MID1: variants seen among roughly 807,000 people sequenced by gnomAD.
MID1 encodes the protein midline 1.
A neutral mutation model predicts 40.4 loss-of-function variants in MID1; 7 were observed. That is an observed-to-expected ratio of 0.17 (90% CI 0.10 to 0.33). The LOEUF is 0.33. MID1 is among the 10% of genes least tolerant of loss of function. The probability of loss-of-function intolerance (pLI) is 1.00; values close to 1 mark genes in which losing one functional copy is unlikely to be tolerated. For missense variants in MID1, 367 were observed against 558.5 expected, an observed-to-expected ratio of 0.66 and a Z score of 3.46; for synonymous variants, 229 against 221.2, an observed-to-expected ratio of 1.04 and a Z score of -0.31.
chrX:10,605,038 G>T (rs1055059580), intron 1 of MID1, among the ~76,000 whole-genome samples: 9 of 112,362 alleles, frequency 8.0e-5, no homozygotes, highest in African/African-American at 2.9e-4. Context: ...TATAACCTCA[G>T]TGCATCAACT....
intron 8 of MID1, 131 bp from the exon 9 acceptor site, chrX:10,455,208 T>C: frequency 7.6e-6 from 4 of 528,038 alleles, no homozygotes; most frequent in Non-Finnish European, 1.3e-5. Flanking sequence ...TCATGCCTCC[T>C]ATCACAAAGT....
At chrX:10,530,024 A>T (rs1265600164) in intron 2 of MID1, among the ~76,000 whole-genome samples, 1 of 112,001 alleles carries the variant, frequency 8.9e-6, no homozygotes, top group East Asian at 2.8e-4. Flanking sequence ...TCTCATTGGT[A>T]CCGTTGAGTC....
chrX:10,810,696 CTGTGTGTGTGTG>C (rs370482398), intron 1 of MID1, among the ~76,000 whole-genome samples: 1 of 101,101 alleles, frequency 9.9e-6, no homozygotes, highest in African/African-American at 3.6e-5. Context: ...GTTGTTTTCT[CTGTGTGTGTGTG>C]TGTGTGTGTG....
At chrX:10,730,747 A>AT (rs1215570565) in intron 1 of MID1, among the ~76,000 whole-genome samples, 7 of 107,142 alleles carry the variant, frequency 6.5e-5, no homozygotes, top group Admixed American at 1.0e-4. Context: ...AATTTTTTGT[A>AT]TTTTTTTTAG....
chrX:10,567,937 T>C (rs1201412364), intron 1 of MID1, among the ~76,000 whole-genome samples: 1 of 112,140 alleles, frequency 8.9e-6, no homozygotes. Context: ...AATCTTATTG[T>C]GTCAGAGTCA....
intron 1 of MID1, among the ~76,000 whole-genome samples, chrX:10,639,447 A>G (rs1226499870): frequency 4.5e-5 from 5 of 111,960 alleles, no homozygotes; most frequent in African/African-American, 1.3e-4. Context: ...AATGAAGCGA[A>G]AAGAGAACTT....
chrX:10,455,442 G>A (rs1928603656), intron 8 of MID1, among the ~76,000 whole-genome samples: 1 of 111,576 alleles, frequency 9.0e-6, no homozygotes, highest in Non-Finnish European at 1.9e-5. Flanking sequence ...TTCAACAACA[G>A]CATGGATAAG....
intron 9 of MID1, among the ~76,000 whole-genome samples, chrX:10,451,722 A>G (rs969171791): frequency 9.0e-6 from 1 of 110,804 alleles, no homozygotes; most frequent in Non-Finnish European, 1.9e-5. Flanking sequence ...AAAACGGGGG[A>G]GTTTCCCTGC....
chrX:10,469,587 T>C (rs762230006), intron 7 of MID1, 110 bp downstream of exon 7: 2 of 1,209,899 alleles, frequency 1.7e-6, no homozygotes, highest in Admixed American at 4.4e-5. Flanking sequence ...AGTCAATAAA[T>C]ATTGTGTGTT....
At chrX:10,526,476 G>A (rs1165677698) in intron 2 of MID1, among the ~76,000 whole-genome samples, 2 of 111,723 alleles carry the variant, frequency 1.8e-5, no homozygotes, top group East Asian at 5.6e-4. Context: ...TTTTTGGTAT[G>A]TTAATACTAG....
chrX:10,467,875 C>CACTT (rs1322780363), intron 7 of MID1, among the ~76,000 whole-genome samples: 5 of 112,100 alleles, frequency 4.5e-5, no homozygotes, highest in Non-Finnish European at 7.5e-5. Flanking sequence ...TCCCTTTCCT[C>CACTT]ACTTACCAGC....
intron 1 of MID1, among the ~76,000 whole-genome samples, chrX:10,631,987 C>T (rs1181265391): frequency 8.9e-6 from 1 of 111,773 alleles, no homozygotes; most frequent in African/African-American, 3.3e-5. Context: ...TTTGTCTTTC[C>T]TTTGAATCAT....
chrX:10,481,209 T>C (rs1312381168), intron 5 of MID1, among the ~76,000 whole-genome samples: 2 of 111,761 alleles, frequency 1.8e-5, no homozygotes, highest in Non-Finnish European at 3.8e-5. Flanking sequence ...AATATTTACT[T>C]GATGATCCTT....
chrX:10,712,231 C>T (rs1214468255), intron 1 of MID1, among the ~76,000 whole-genome samples: 2 of 110,831 alleles, frequency 1.8e-5, no homozygotes, highest in African/African-American at 3.3e-5. Context: ...AAAATGATAC[C>T]TGGTCACAAC....
At chrX:10,517,543 T>C (rs1285500658) in intron 3 of MID1, among the ~76,000 whole-genome samples, 1 of 112,667 alleles carries the variant, frequency 8.9e-6, no homozygotes, top group African/African-American at 3.2e-5. Context: ...CACAGGTCTA[T>C]GTGTTCCTTG....
intron 1 of MID1, among the ~76,000 whole-genome samples, chrX:10,763,240 T>C (rs2043694292): frequency 9.1e-6 from 1 of 109,822 alleles, no homozygotes; most frequent in Non-Finnish European, 1.9e-5. Context: ...TGTATACATG[T>C]GCCATGTTAG....
chrX:10,481,087 G>A (rs928687345), intron 5 of MID1, among the ~76,000 whole-genome samples: 4 of 111,891 alleles, frequency 3.6e-5, no homozygotes, highest in African/African-American at 1.3e-4. Flanking sequence ...TGGTTTTATT[G>A]GCACACAGCC....
At chrX:10,671,024 T>TGTCCAGGC (rs1349593099) in intron 1 of MID1, among the ~76,000 whole-genome samples, 1 of 111,988 alleles carries the variant, frequency 8.9e-6, no homozygotes, top group Non-Finnish European at 1.9e-5. Context: ...TTTGCCCTGA[T>TGTCCAGGC]GTCCAGGCTT....
intron 2 of MID1, among the ~76,000 whole-genome samples, chrX:10,553,353 T>C (rs979011890): frequency 1.8e-5 from 2 of 111,534 alleles, no homozygotes; most frequent in Non-Finnish European, 3.8e-5. Context: ...GTTTGAGATA[T>C]CTTTGTTTTA....
Sources: allele counts gnomAD v4.1 joint callset (sites outside exome capture counted in the v4.1 genomes callset), GRCh38; gene constraint gnomAD v4.1.1; transcripts MANE v1.5; gene names NCBI Gene and HGNC (gene_info 2026-07-23, HGNC 2026-07-21).